The following PCDHA9 variants were observed in gnomAD, a reference collection of about 807,000 sequenced individuals.
PCDHA9 encodes protocadherin alpha 9, also known as protocadherin alpha-9.
In PCDHA9, 62 loss-of-function variants were observed where a neutral mutation model predicts 62.0. The observed-to-expected ratio is 1.00, with a 90% CI of 0.81 to 1.23. PCDHA9 has a LOEUF of 1.23. Among genes scored for constraint, PCDHA9 ranks in the 50% most tolerant of loss-of-function variants. The pLI, the probability that PCDHA9 is intolerant of heterozygous loss-of-function variation, is 0.00. For synonymous variants in PCDHA9, 557 were observed against 567.6 expected (o/e 0.98, Z 0.27); for missense variants, 1,205 against 1,249.8 (o/e 0.96, Z 0.54).
chr5:140,869,293 T>C, intron 1 of PCDHA9: 2 of 1,613,604 alleles, frequency 1.2e-6, no homozygotes, highest in African/African-American at 1.3e-5. Flanking sequence ...GCAGCGCCTG[T>C]TCCGGGTGGC....
At chr5:140,933,446 C>T (rs543444309) in intron 1 of PCDHA9, among the ~76,000 whole-genome samples, 1 of 151,990 alleles carries the variant, frequency 6.6e-6, no homozygotes, top group Non-Finnish European at 1.5e-5. Flanking sequence ...AATGACATAC[C>T]TTCAAAATAT....
chr5:140,924,909 AAT>A (rs1563069038), intron 1 of PCDHA9, among the ~76,000 whole-genome samples: 1,502 of 66,200 alleles, frequency 0.023, 33 homozygotes, highest in African/African-American at 0.07. Context: ...AAAAAAATAA[AAT>A]AAAATAAAAT....
intron 1 of PCDHA9, among the ~76,000 whole-genome samples, chr5:140,894,318 T>C (rs1403062288): frequency 1.3e-5 from 2 of 152,086 alleles, no homozygotes; most frequent in Non-Finnish European, 2.9e-5. Context: ...TCTTAAATTA[T>C]AGATTTTAGT....
At chr5:140,870,544 G>A in intron 1 of PCDHA9, 1 of 1,614,124 alleles carries the variant, frequency 6.2e-7, no homozygotes, top group South Asian at 1.1e-5. Context: ...GGCGCGGGAC[G>A]CGGACGCGCA....
At chr5:140,882,164 C>A in intron 1 of PCDHA9, 1 of 1,509,950 alleles carries the variant, frequency 6.6e-7, no homozygotes, top group Non-Finnish European at 8.9e-7. Flanking sequence ...ATACCTCTTG[C>A]GAATCCTTCC....
chr5:140,869,730 T>G (rs1319130298), intron 1 of PCDHA9: 24 of 1,613,274 alleles, frequency 1.5e-5, no homozygotes, highest in Non-Finnish European at 2.0e-5. Context: ...CGGAACTTAA[T>G]TTGCTGCTAA....
chr5:140,989,197 C>T (rs2097332742), intron 3 of PCDHA9, among the ~76,000 whole-genome samples: 1 of 152,206 alleles, frequency 6.6e-6, no homozygotes, highest in Admixed American at 6.5e-5. Context: ...ACCCTCCCTT[C>T]TAGCTTTCTT....
chr5:140,848,469 T>G lies in PCDHA9; in HGVS notation c.-27T>G. On this transcript the variant is annotated 5_prime_UTR_variant, in exon 1 of 4. Transcript: ENST00000532602. The stretch of plus-strand genomic sequence containing the variant: ...CTTCTAATTTGGAGGCAATTTTCAC[T>G]AATTAGAAGAAGACTGAGTATTTGA... 5.8e-6 allele frequency: 9 copies of G among 1,548,186 alleles called. No homozygotes were observed. Among genetic ancestry groups the G allele is most frequent in the Non-Finnish European group, 7.9e-6 (9 of 1,140,188 alleles).
chr5:140,969,585 T>A (rs2096344806), intron 1 of PCDHA9: 1 of 896,450 alleles, frequency 1.1e-6, no homozygotes, highest in Admixed American at 3.0e-5. Flanking sequence ...TGAGGATTAG[T>A]CTTAATATTT....
chr5:140,868,900 G>A (rs2050728202), intron 1 of PCDHA9: 1 of 811,546 alleles, frequency 1.2e-6, no homozygotes, highest in Non-Finnish European at 1.9e-6. Flanking sequence ...GCAAGGTGTC[G>A]CTCTTTACTT....
In PCDHA9 at chr5:140,979,019, C is replaced by T; in HGVS notation, c.2453+12C>T. On this transcript the variant is annotated intron_variant, in intron 2 of 3. Coordinates refer to ENST00000532602, the MANE Select transcript of PCDHA9 (RefSeq NM_031857.2). ...GCAGGCATGCACAGGTATGTATTTC[C>T]CTCCTCATTCACTCAGAAGTAACCT... 1 of 1,613,662 alleles carries T rather than the reference C, an allele frequency of 6.2e-7. No individual in the cohort carries two copies. Among genetic ancestry groups the T allele is most frequent in the South Asian group, 1.1e-5 (1 of 90,910 alleles).
At chr5:140,907,093 C>A (rs1303875069) in intron 1 of PCDHA9, among the ~76,000 whole-genome samples, 2 of 152,090 alleles carry the variant, frequency 1.3e-5, no homozygotes, top group Non-Finnish European at 2.9e-5. Flanking sequence ...GTAAGTGGTG[C>A]CACTTCCACT....
chr5:140,870,806 A>C (rs546684407), intron 1 of PCDHA9: 10 of 1,613,686 alleles, frequency 6.2e-6, no homozygotes, highest in Admixed American at 5.0e-5. Flanking sequence ...CTGGCGACTC[A>C]GGCTGGCAGC....
chr5:140,902,565 T>G (rs571957153), intron 1 of PCDHA9, among the ~76,000 whole-genome samples: 1 of 152,110 alleles, frequency 6.6e-6, no homozygotes. Context: ...TTTTTGAGGG[T>G]TTTTAAGATT....
At chr5:140,892,265 T>A (rs1285445395) in intron 1 of PCDHA9, among the ~76,000 whole-genome samples, 3 of 152,240 alleles carry the variant, frequency 2.0e-5, no homozygotes, top group African/African-American at 7.2e-5. Context: ...GATTTTGTGC[T>A]GAAAGTTGTA....
chr5:140,940,164 AT>A (rs1407801775), intron 1 of PCDHA9, among the ~76,000 whole-genome samples: 1 of 152,170 alleles, frequency 6.6e-6, no homozygotes, highest in African/African-American at 2.4e-5. Flanking sequence ...TTTGCCTGAA[AT>A]GTCATTCTTG....
intron 1 of PCDHA9, among the ~76,000 whole-genome samples, chr5:140,972,712 G>T (rs1409880262): frequency 6.9e-6 from 1 of 144,630 alleles, no homozygotes; most frequent in East Asian, 2.0e-4. Context: ...TTGCCAGGCT[G>T]GAGTGCAGTG....
intron 1 of PCDHA9, among the ~76,000 whole-genome samples, chr5:140,923,261 A>C (rs570487869): frequency 6.6e-6 from 1 of 152,322 alleles, no homozygotes; most frequent in East Asian, 1.9e-4. Flanking sequence ...CAACATAGTG[A>C]GACCTTGTCT....
chr5:140,867,552 TATG>T (rs1353762493), intron 1 of PCDHA9: 1 of 152,120 alleles, frequency 6.6e-6, no homozygotes, highest in Non-Finnish European at 1.5e-5. Flanking sequence ...AGCATACACA[TATG>T]ATAACTTTTT....
Sources: gnomAD v4.1 joint callset for allele counts (sites outside exome capture counted in the v4.1 genomes callset) on GRCh38, gnomAD v4.1.1 for gene constraint, MANE v1.5 for transcripts, NCBI Gene and HGNC (gene_info 2026-07-23, HGNC 2026-07-21) for gene names.